Variants in CTNNA3 observed in about 807,000 individuals in gnomAD.
CTNNA3 encodes catenin alpha 3, also known as catenin alpha-3.
In CTNNA3, 76 loss-of-function variants were observed where a neutral mutation model predicts 95.7. The ratio of observed to expected loss-of-function variants is 0.79; its 90% confidence interval spans 0.66 to 0.96. The LOEUF (loss-of-function observed/expected upper bound fraction) is 0.96. CTNNA3 is among the 40% of genes least tolerant of loss of function. The probability of loss-of-function intolerance (pLI) is 0.00; values close to 1 mark genes in which losing one functional copy is unlikely to be tolerated. For synonymous variants in CTNNA3, 431 were observed against 374.4 expected (o/e 1.15, Z -1.74); for missense variants, 1,191 against 1,089.8 (o/e 1.09, Z -1.31).
chr10:66,142,502 C>T (rs1230881694), intron 13 of CTNNA3, among the ~76,000 whole-genome samples: 1 of 152,048 alleles, frequency 6.6e-6, no homozygotes, highest in African/African-American at 2.4e-5. Context: ...TTTAACTCTA[C>T]ATATATACTT....
chr10:66,190,710 T>A (rs924798464), intron 13 of CTNNA3, among the ~76,000 whole-genome samples: 2 of 152,142 alleles, frequency 1.3e-5, no homozygotes, highest in African/African-American at 4.8e-5. Flanking sequence ...CGTCTTCTCA[T>A]CCTGTAACCT....
chr10:66,928,480 C>T (rs1847198975), intron 7 of CTNNA3: 2 of 1,549,354 alleles, frequency 1.3e-6, no homozygotes, highest in Non-Finnish European at 1.7e-6. Context: ...AAAAAGAGCT[C>T]TTAAAAGCTG....
intron 13 of CTNNA3, among the ~76,000 whole-genome samples, chr10:66,113,082 C>T (rs2082179748): frequency 6.6e-6 from 1 of 152,136 alleles, no homozygotes; most frequent in Non-Finnish European, 1.5e-5. Flanking sequence ...TCTACATTCC[C>T]ACCAACAGAG....
chr10:66,613,603 G>A (rs1483949396), intron 10 of CTNNA3, among the ~76,000 whole-genome samples: 2 of 151,982 alleles, frequency 1.3e-5, no homozygotes, highest in African/African-American at 4.8e-5. Flanking sequence ...AAAGAAACTG[G>A]TACTAAACTT....
At chr10:66,173,388 A>C (rs1271229369) in intron 13 of CTNNA3, among the ~76,000 whole-genome samples, 1 of 152,140 alleles carries the variant, frequency 6.6e-6, no homozygotes, top group African/African-American at 2.4e-5. Flanking sequence ...ACAAGGATTT[A>C]AATGGAAGAT....
At chr10:66,916,948 C>G (rs1846523384) in intron 7 of CTNNA3, among the ~76,000 whole-genome samples, 1 of 152,214 alleles carries the variant, frequency 6.6e-6, no homozygotes, top group African/African-American at 2.4e-5. Context: ...CCTACTTGCT[C>G]TCCAACGTCA....
intron 2 of CTNNA3, among the ~76,000 whole-genome samples, chr10:67,639,186 C>A (rs1285086597): frequency 6.6e-6 from 1 of 152,138 alleles, no homozygotes; most frequent in Non-Finnish European, 1.5e-5. Context: ...CACCGCCAAT[C>A]CCACAGAAAT....
At chr10:67,185,341 T>A (rs1862784417) in intron 6 of CTNNA3, among the ~76,000 whole-genome samples, 1 of 152,084 alleles carries the variant, frequency 6.6e-6, no homozygotes, top group African/African-American at 2.4e-5. Context: ...TTGGCCAGGA[T>A]GGTCTCGATC....
At chr10:66,853,035 C>A (rs1843551506) in intron 7 of CTNNA3, among the ~76,000 whole-genome samples, 1 of 151,550 alleles carries the variant, frequency 6.6e-6, no homozygotes, top group Non-Finnish European at 1.5e-5. Context: ...TCTGGCCTGC[C>A]ACCTGTTTTT....
intron 10 of CTNNA3, among the ~76,000 whole-genome samples, chr10:66,550,132 C>G (rs1457015575): frequency 6.6e-6 from 1 of 152,026 alleles, no homozygotes; most frequent in African/African-American, 2.4e-5. Context: ...GGCACATATA[C>G]CTTTATAAAT....
intron 14 of CTNNA3, among the ~76,000 whole-genome samples, chr10:66,076,226 G>A (rs1006249175): frequency 1.3e-5 from 2 of 151,550 alleles, no homozygotes; most frequent in Non-Finnish European, 3.0e-5. Context: ...AGGCATTTGG[G>A]AAATAGATGT....
At chr10:67,278,284 C>T (rs1311960289) in intron 5 of CTNNA3, among the ~76,000 whole-genome samples, 3 of 152,132 alleles carry the variant, frequency 2.0e-5, no homozygotes, top group Non-Finnish European at 2.9e-5. Context: ...ATATGAGTGA[C>T]CATGGCCTGT....
At chr10:66,545,761 A>G (rs1842016873) in intron 10 of CTNNA3, among the ~76,000 whole-genome samples, 1 of 152,028 alleles carries the variant, frequency 6.6e-6, no homozygotes, top group African/African-American at 2.4e-5. Flanking sequence ...CGGAGTTACC[A>G]ATAACTAAAG....
intron 10 of CTNNA3, among the ~76,000 whole-genome samples, chr10:66,532,799 T>A (rs923348820): frequency 6.6e-6 from 1 of 152,210 alleles, no homozygotes; most frequent in Non-Finnish European, 1.5e-5. Context: ...TAAGAAAATA[T>A]GAGTACAAGG....
At chr10:66,464,816 A>G (rs1589288076) in intron 11 of CTNNA3, among the ~76,000 whole-genome samples, 1 of 151,950 alleles carries the variant, frequency 6.6e-6, no homozygotes, top group East Asian at 1.9e-4. Context: ...TTAAACTGGA[A>G]TTAACAATTT....
intron 11 of CTNNA3, among the ~76,000 whole-genome samples, chr10:66,477,766 A>C (rs890866019): frequency 2.0e-5 from 3 of 152,062 alleles, no homozygotes; most frequent in Admixed American, 2.0e-4. Flanking sequence ...AAATACTCAC[A>C]TAAAATATTT....
At chr10:67,009,076 GTGACT>G in intron 7 of CTNNA3, among the ~76,000 whole-genome samples, 1 of 152,100 alleles carries the variant, frequency 6.6e-6, no homozygotes, top group Non-Finnish European at 1.5e-5. Flanking sequence ...TCTCTTCCAT[GTGACT>G]TGATATTCAT....
rs930808327 is a variant in CTNNA3, at chr10:67,744,491, C to T, written c.-2+18943G>A. On this transcript the variant is annotated intron_variant, in intron 1 of 17. Transcript: ENST00000684154. ...CTGGATCCCTTCCTTACACCTTATACAAAAATCAATTCAAGATGGATTAAA... is the reference window on the plus strand; with the variant it reads ...CTGGATCCCTTCCTTACACCTTATATAAAAATCAATTCAAGATGGATTAAA... Among the ~76,000 whole-genome samples the T allele has an allele frequency of 5.3e-5, 8 of 151,176 alleles. 1 individual carries two copies. The highest frequency in any genetic ancestry group is 1.5e-4 in the African/African-American group (6 of 41,280).
intron 12 of CTNNA3, among the ~76,000 whole-genome samples, chr10:66,309,556 G>A (rs1478176461): frequency 5.9e-5 from 9 of 151,732 alleles, no homozygotes; most frequent in African/African-American, 1.9e-4. Flanking sequence ...CGGGCATGGT[G>A]GCGGGCACCT....
Sources: allele counts gnomAD v4.1 joint callset (sites outside exome capture counted in the v4.1 genomes callset), GRCh38; gene constraint gnomAD v4.1.1; transcripts MANE v1.5; gene names NCBI Gene and HGNC (gene_info 2026-07-23, HGNC 2026-07-21).